ARMC2: variants seen among roughly 807,000 people sequenced by gnomAD.
ARMC2 encodes armadillo repeat containing 2.
ARMC2 carries 67 observed loss-of-function variants against 90.3 expected under a neutral mutation model. The ratio of observed to expected loss-of-function variants is 0.74; its 90% confidence interval spans 0.61 to 0.91. The LOEUF is 0.91. ARMC2 is among the 40% of genes least tolerant of loss of function. The probability of loss-of-function intolerance (pLI) is 0.00; values close to 1 mark genes in which losing one functional copy is unlikely to be tolerated. For missense variants in ARMC2, 920 were observed against 1,030.9 expected (o/e 0.89, Z 1.47); for synonymous variants, 393 against 393.0 (o/e 1.00, Z 0.00).
chr6:108,909,957 A>G (rs1035612880), intron 8 of ARMC2, among the ~76,000 whole-genome samples: 1 of 152,216 alleles, frequency 6.6e-6, no homozygotes, highest in Admixed American at 6.5e-5. Flanking sequence ...ATTTTCTTTT[A>G]TACAAATGAT....
chr6:108,968,796 A>G (rs1313821056), intron 17 of ARMC2, among the ~76,000 whole-genome samples: 5 of 152,190 alleles, frequency 3.3e-5, no homozygotes, highest in African/African-American at 1.2e-4. Context: ...TGGTATGGCA[A>G]TTTCTATAGT....
chr6:108,995,367 T>C, the ARMC2 span, among the ~76,000 whole-genome samples: 1 of 152,232 alleles, frequency 6.6e-6, no homozygotes, highest in Admixed American at 6.5e-5. Flanking sequence ...GCTTTATTTC[T>C]ACAATTTACC....
chr6:108,982,809 TTTC>T, the ARMC2 span, among the ~76,000 whole-genome samples: 2 of 150,198 alleles, frequency 1.3e-5, no homozygotes, highest in Admixed American at 6.6e-5. Context: ...TCTTTGGACT[TTTC>T]TTTTTTTTTT....
chr6:108,989,831 C>A, the ARMC2 span, among the ~76,000 whole-genome samples: 1 of 152,078 alleles, frequency 6.6e-6, no homozygotes, highest in Non-Finnish European at 1.5e-5. Context: ...GATTTCCAAT[C>A]ACATAGGCAC....
the ARMC2 span, among the ~76,000 whole-genome samples, chr6:109,016,754 A>C: frequency 5.3e-5 from 8 of 152,272 alleles, no homozygotes; most frequent in Non-Finnish European, 1.2e-4. Context: ...TCAAACAATA[A>C]AAGATATAAT....
chr6:109,000,342 G>A, the ARMC2 span: 1 of 513,928 alleles, frequency 1.9e-6, no homozygotes, highest in Non-Finnish European at 3.3e-6. Context: ...CAGAAATGCT[G>A]TAACAGAAGA....
At position 108,965,071 on chromosome 6, in the gene ARMC2, A is replaced by G; in HGVS notation, c.2377A>G (p.Thr793Ala). 6.2e-7 allele frequency: 1 copy of G among 1,613,742 alleles called. No individual in the cohort carries two copies. Among genetic ancestry groups the G allele is most frequent in the Non-Finnish European group, 8.5e-7 (1 of 1,179,728 alleles). ...TTTATGGAACTTCAGTGAAAACATC[A>G]CTAATGCTTCGTCATGTTTTGGAAA... is the stretch of plus-strand genomic sequence containing the variant. Reference protein sequence around the residue: ...KTLWNFSENITNASSCFGNED... With the variant: ...KTLWNFSENIANASSCFGNED... Residue 793 changes from threonine to alanine, a missense_variant, in exon 17 of 18, where the codon ACT (threonine) becomes GCT (alanine). Coordinates refer to ENST00000392644, the MANE Select transcript of ARMC2 (RefSeq NM_032131.6).
intron 15 of ARMC2, among the ~76,000 whole-genome samples, chr6:108,962,616 C>T (rs938215318): frequency 6.6e-6 from 1 of 152,140 alleles, no homozygotes; most frequent in Non-Finnish European, 1.5e-5. Context: ...ACAAAACTAC[C>T]TTTTGCTTCT....
In ARMC2 at chr6:108,912,514, A is replaced by T. The variant is rs751818669; in HGVS notation, c.1306A>T (p.Lys436Ter). 1 of 1,614,040 alleles carries T rather than the reference A, an allele frequency of 6.2e-7. No homozygotes were observed. Among genetic ancestry groups the T allele is most frequent in the Admixed American group, 1.7e-5 (1 of 60,030 alleles). ...AAAACAAATAAATGAGAACATCAAG[A>T]AATGTGGTACATTTTTGCCTAATTC... ...LIKQINENIK[K>*]CGTFLPNSGH... The change falls in exon 10 of 18, where the codon AAA becomes TAA. Residue 436 changes from lysine to a stop codon, truncating the protein, a stop_gained. Coordinates refer to ENST00000392644, the MANE Select transcript of ARMC2 (RefSeq NM_032131.6). LOFTEE classifies it high-confidence loss of function.
At chr6:108,967,669 A>G (rs1416026083) in intron 17 of ARMC2, among the ~76,000 whole-genome samples, 3 of 152,228 alleles carry the variant, frequency 2.0e-5, no homozygotes, top group African/African-American at 7.2e-5. Context: ...CTACAGTGTG[A>G]ACGCTATGTA....
At chr6:108,952,953 A>C (rs1362032933) in intron 12 of ARMC2, 80 bp from the exon 13 acceptor site, 2 of 1,313,280 alleles carry the variant, frequency 1.5e-6, no homozygotes, top group African/African-American at 3.0e-5. Flanking sequence ...GCAATTGTGA[A>C]TAAATTAAAT....
At chr6:108,915,754 G>C (rs975312908) in intron 10 of ARMC2, among the ~76,000 whole-genome samples, 1 of 152,110 alleles carries the variant, frequency 6.6e-6, no homozygotes, top group Non-Finnish European at 1.5e-5. Flanking sequence ...GTACAGCCAC[G>C]AGTCTTGAAT....
rs879742666 is a variant in ARMC2 at position 108,937,002 on chromosome 6, C to T, written c.1596+3C>T. 16 of 1,575,326 alleles carry T rather than the reference C, an allele frequency of 1.0e-5. No individual in the cohort carries two copies. The highest frequency in any genetic ancestry group is 1.4e-5 in the Non-Finnish European group (16 of 1,156,756). On this transcript the variant is annotated splice_donor_region_variant and intron_variant, in intron 12 of 17. Transcript: ENST00000392644. Reference sequence around the variant, plus strand: ...TTAACAAATACCAGAAGAAGCAGGTCAGTTCTTCATTCATTTAATTCTTCA... The same window carrying T: ...TTAACAAATACCAGAAGAAGCAGGTTAGTTCTTCATTCATTTAATTCTTCA...
chr6:108,992,882 G>C, the ARMC2 span: 2 of 1,610,830 alleles, frequency 1.2e-6, no homozygotes, highest in Non-Finnish European at 1.7e-6. Context: ...GCTCTTGCTG[G>C]TGTAACTTCT....
chr6:108,950,197 CTCTG>C (rs1451765493), intron 12 of ARMC2, among the ~76,000 whole-genome samples: 1 of 152,128 alleles, frequency 6.6e-6, no homozygotes, highest in Non-Finnish European at 1.5e-5. Context: ...CAGAGCAATA[CTCTG>C]TCTCAAAAAC....
chr6:108,904,238 A>T lies in ARMC2; in HGVS notation c.856A>T (p.Ile286Phe). ...ILRELEKEEN[I>F]ETVCAACTQL... ...TCTCTTTGCTCTGACAGAAGAAAAC[A>T]TTGAAACGGTTTGTGCTGCTTGCAC... Residue 286 changes from isoleucine (I) to phenylalanine (F), a missense_variant, in exon 8 of 18, where the codon ATT becomes TTT. Coordinates refer to ENST00000392644, the MANE Select transcript of ARMC2 (RefSeq NM_032131.6). 6.2e-7 allele frequency: 1 copy of T among 1,613,486 alleles called. No individual in the cohort carries two copies. Among genetic ancestry groups the T allele is most frequent in the Non-Finnish European group, 8.5e-7 (1 of 1,179,728 alleles).
intron 8 of ARMC2, chr6:108,907,652 G>A: frequency 1.3e-6 from 2 of 1,598,620 alleles, no homozygotes; most frequent in Non-Finnish European, 1.7e-6. Flanking sequence ...ATGCTTGTAG[G>A]AAAAGGAGTA....
the ARMC2 span, chr6:108,998,370 C>A: frequency 1.1e-6 from 1 of 881,002 alleles, no homozygotes; most frequent in Non-Finnish European, 1.7e-6. Context: ...GTCAATAAAA[C>A]CCTACTGAAT....
At chr6:108,889,933 A>C (rs1467373197) in intron 5 of ARMC2, among the ~76,000 whole-genome samples, 2 of 151,372 alleles carry the variant, frequency 1.3e-5, no homozygotes, top group Admixed American at 6.6e-5. Flanking sequence ...TCACGCCTGT[A>C]ATCCCAGCAC....
Sources: allele counts gnomAD v4.1 joint callset (sites outside exome capture counted in the v4.1 genomes callset), GRCh38; gene constraint gnomAD v4.1.1; transcripts MANE v1.5; gene names NCBI Gene and HGNC (gene_info 2026-07-23, HGNC 2026-07-21).